PRR5L: variants seen among roughly 807,000 people sequenced by gnomAD.
PRR5L encodes proline-rich protein 5-like.
Under a neutral mutation model 36.4 loss-of-function variants are expected in PRR5L, and 21 were observed. The observed-to-expected ratio is 0.58, with a 90% CI of 0.41 to 0.83. The LOEUF is 0.83. Among genes scored for constraint, PRR5L ranks in the 40% least tolerant of loss-of-function variants. The pLI, the probability that PRR5L is intolerant of heterozygous loss-of-function variation, is 0.00. For synonymous variants in PRR5L, 188 were observed against 197.0 expected, an observed-to-expected ratio of 0.95 and a Z score of 0.38; for missense variants, 381 against 473.3, an observed-to-expected ratio of 0.80 and a Z score of 1.81.
At chr11:36,302,445 G>A (rs553890692) in intron 1 of PRR5L, among the ~76,000 whole-genome samples, 1 of 152,244 alleles carries the variant, frequency 6.6e-6, no homozygotes, top group Admixed American at 6.5e-5. Context: ...TTATAAGTTT[G>A]GACTCTGTCC....
chr11:36,376,159 G>GTAAGTGCAGGGCCCCCCTC lies in PRR5L; in HGVS notation c.-125-24836_-125-24818dup, dbSNP rs575232531. ...ATTTCCTGAAATTGTTGAACTGGATGTAAGTGCAGGGCCCCCCTCTCCGCT... is the reference window on the plus strand; with the variant it reads ...ATTTCCTGAAATTGTTGAACTGGATGTAAGTGCAGGGCCCCCCTCTAAGTGCAGGGCCCCCCTCTCCGCT... On this transcript the variant is annotated intron_variant, in intron 1 of 8. Coordinates refer to ENST00000530639, the MANE Select transcript of PRR5L (RefSeq NM_001160167.2). 323 of 1,304,968 alleles carry GTAAGTGCAGGGCCCCCCTC rather than the reference G, an allele frequency of 2.5e-4. 2 individuals are homozygous for GTAAGTGCAGGGCCCCCCTC. In the South Asian group the frequency reaches 3.3e-3, roughly 13 times the overall value. 80.8% of individuals were successfully genotyped at this position (1,304,968 alleles called of 1,614,324 possible).
intron 1 of PRR5L, among the ~76,000 whole-genome samples, chr11:36,351,674 CTTATATATTTATATATTT>C (rs1856971841): frequency 4.3e-5 from 1 of 23,022 alleles, no homozygotes; most frequent in Non-Finnish European, 6.3e-5. Flanking sequence ...TATTTATATA[CTTATATATTTATATATTT>C]ATATATTTAT....
intron 1 of PRR5L, among the ~76,000 whole-genome samples, chr11:36,343,400 C>T (rs1015803689): frequency 6.6e-6 from 1 of 152,190 alleles, no homozygotes; most frequent in Non-Finnish European, 1.5e-5. Flanking sequence ...TAGAGGATTT[C>T]TTTGTTGCCT....
At chr11:36,407,353 A>G (rs1857932784) in intron 3 of PRR5L, among the ~76,000 whole-genome samples, 1 of 152,196 alleles carries the variant, frequency 6.6e-6, no homozygotes, top group African/African-American at 2.4e-5. Flanking sequence ...GCTGGGCGTG[A>G]TGATGCATAC....
intron 5 of PRR5L, among the ~76,000 whole-genome samples, chr11:36,433,284 GCCA>G (rs569242698): frequency 4.6e-4 from 70 of 152,100 alleles, no homozygotes; most frequent in Non-Finnish European, 7.1e-4. Context: ...GCCCCCGACA[GCCA>G]CCATCTTATT....
chr11:36,388,578 T>C (rs1047571782), intron 1 of PRR5L, among the ~76,000 whole-genome samples: 1 of 152,234 alleles, frequency 6.6e-6, no homozygotes, highest in Non-Finnish European at 1.5e-5. Context: ...CAGAGACATT[T>C]TACGCACATG....
At chr11:36,411,437 T>G (rs887520825) in intron 3 of PRR5L, among the ~76,000 whole-genome samples, 2 of 152,116 alleles carry the variant, frequency 1.3e-5, no homozygotes, top group African/African-American at 4.8e-5. Context: ...GGTGAGATAA[T>G]GTAGACCAGT....
At chr11:36,325,895 C>T (rs184321458) in intron 1 of PRR5L, among the ~76,000 whole-genome samples, 11 of 152,172 alleles carry the variant, frequency 7.2e-5, no homozygotes, top group African/African-American at 1.9e-4. Flanking sequence ...TACACATATC[C>T]GGGATTATTT....
At position 36,305,704 on chromosome 11, in the gene PRR5L, G is replaced by C. The variant is rs116795901; in HGVS notation, c.-126+9266G>C. 6.2e-3 allele frequency among the ~76,000 whole-genome samples: 940 copies of C among 152,206 alleles called. 6 individuals carry two copies. Among genetic ancestry groups the C allele is most frequent in the African/African-American group, 0.021 (884 of 41,510 alleles). ...AGAGAGACCCTTCACCCCTTCCATC[G>C]TGAGGATACAGCAAGAAGGCACCGT... On this transcript the variant is annotated intron_variant, in intron 1 of 8. Coordinates refer to ENST00000530639, the MANE Select transcript of PRR5L (RefSeq NM_001160167.2).
chr11:36,309,744 A>G (rs1856478609), intron 1 of PRR5L, among the ~76,000 whole-genome samples: 1 of 108,830 alleles, frequency 9.2e-6, no homozygotes, highest in African/African-American at 3.4e-5. Flanking sequence ...CTGTGATCTG[A>G]AAGCCACAAT....
intron 4 of PRR5L, among the ~76,000 whole-genome samples, chr11:36,428,893 T>A (rs1490040589): frequency 6.6e-6 from 1 of 152,238 alleles, no homozygotes; most frequent in Admixed American, 6.5e-5. Flanking sequence ...AATGTATAGA[T>A]GATTCTTAAG....
chr11:36,396,410 G>A (rs1857661031), intron 1 of PRR5L, among the ~76,000 whole-genome samples: 1 of 152,240 alleles, frequency 6.6e-6, no homozygotes, highest in Admixed American at 6.5e-5. Flanking sequence ...AAGGGCTAAG[G>A]AGGCAAGCCT....
chr11:36,340,629 G>A (rs1856808786), intron 1 of PRR5L, among the ~76,000 whole-genome samples: 2 of 152,132 alleles, frequency 1.3e-5, no homozygotes, highest in Non-Finnish European at 2.9e-5. Flanking sequence ...CAGAGTCTTT[G>A]CTTTGAAGCT....
At chr11:36,440,236 C>A (rs11493515) in intron 6 of PRR5L, among the ~76,000 whole-genome samples, 78,559 of 151,856 alleles carry the variant, frequency 0.52, 21,745 homozygotes, top group Non-Finnish European at 0.61. Context: ...ACCTCCCCCC[C>A]ACCTATGCTG....
intron 1 of PRR5L, among the ~76,000 whole-genome samples, chr11:36,299,798 C>CT (rs1290982855): frequency 6.6e-6 from 1 of 152,130 alleles, no homozygotes; most frequent in Non-Finnish European, 1.5e-5. Context: ...ATCATCCAGG[C>CT]TTCTTAGAGC....
At chr11:36,358,715 T>C (rs1389731504) in intron 1 of PRR5L, among the ~76,000 whole-genome samples, 5 of 152,082 alleles carry the variant, frequency 3.3e-5, no homozygotes, top group Non-Finnish European at 5.9e-5. Flanking sequence ...AGGAAAGAAA[T>C]AGAATTACAA....
intron 1 of PRR5L, among the ~76,000 whole-genome samples, chr11:36,368,272 C>A (rs1051697860): frequency 2.6e-5 from 4 of 152,040 alleles, no homozygotes; most frequent in Non-Finnish European, 5.9e-5. Flanking sequence ...TCTGTAATGA[C>A]CACTACAGGG....
At chr11:36,460,481 G>C (rs1859157065) in intron 8 of PRR5L, among the ~76,000 whole-genome samples, 1 of 151,898 alleles carries the variant, frequency 6.6e-6, no homozygotes, top group Non-Finnish European at 1.5e-5. Context: ...GGGTTCTGTA[G>C]TATCTCTGTA....
chr11:36,339,595 C>G (rs573476137), intron 1 of PRR5L, among the ~76,000 whole-genome samples: 1 of 152,094 alleles, frequency 6.6e-6, no homozygotes, highest in African/African-American at 2.4e-5. Flanking sequence ...AGGTACACAC[C>G]ATTAATTTTT....
Sources: gnomAD v4.1 joint callset for allele counts (sites outside exome capture counted in the v4.1 genomes callset) on GRCh38, gnomAD v4.1.1 for gene constraint, MANE v1.5 for transcripts, NCBI Gene and HGNC (gene_info 2026-07-23, HGNC 2026-07-21) for gene names.